SAMHD1: variants seen among roughly 807,000 people sequenced by gnomAD.
The protein encoded by SAMHD1 is SAM and HD domain containing deoxynucleoside triphosphate triphosphohydrolase 1, also known as deoxynucleoside triphosphate triphosphohydrolase SAMHD1.
SAMHD1 carries 54 observed loss-of-function variants against 79.6 expected under a neutral mutation model. That is an observed-to-expected ratio of 0.68 (90% confidence interval 0.55 to 0.85). The LOEUF is 0.85. SAMHD1 is among the 40% of genes least tolerant of loss of function. The pLI is 0.00. For missense variants in SAMHD1, 663 were observed against 782.7 expected, an observed-to-expected ratio of 0.85 and a Z score of 1.82; for synonymous variants, 260 against 264.1, an observed-to-expected ratio of 0.98 and a Z score of 0.15.
At chr20:36,947,551 GGTGTGT>G (rs71186095) in intron 1 of SAMHD1, among the ~76,000 whole-genome samples, 1,407 of 75,736 alleles carry the variant, frequency 0.019, 111 homozygotes, top group African/African-American at 0.09. Flanking sequence ...TTGGAAGAGG[GGTGTGT>G]GTGTGTGTGT....
intron 4 of SAMHD1, among the ~76,000 whole-genome samples, chr20:36,932,729 TA>T (rs2063576210): frequency 6.6e-6 from 1 of 151,860 alleles, no homozygotes; most frequent in Non-Finnish European, 1.5e-5. Flanking sequence ...TTTGGTTTTG[TA>T]AGATGATAAG....
chr20:36,901,275 C>A (rs1408049862), intron 13 of SAMHD1, among the ~76,000 whole-genome samples: 1 of 152,088 alleles, frequency 6.6e-6, no homozygotes, highest in East Asian at 1.9e-4. Flanking sequence ...AGCGATCTTC[C>A]CACCTCAGCC....
Position 36,905,351 on chromosome 20 carries a change from C to A in SAMHD1, c.1410+13G>T. The A allele has an allele frequency of 6.2e-7, 1 of 1,613,854 alleles. No individual in the cohort carries two copies. Among genetic ancestry groups the A allele is most frequent in the Non-Finnish European group, 8.5e-7 (1 of 1,179,842 alleles). ...ATAACCTTTCACTAATGGAAAGATG[C>A]CTGATAACTCACCCTTTTAATCTTT... is the stretch of plus-strand genomic sequence containing the variant. On this transcript the variant is annotated intron_variant, in intron 12 of 15. Transcript: ENST00000646673.
chr20:36,948,675 T>C (rs965240226), intron 1 of SAMHD1, among the ~76,000 whole-genome samples: 10 of 149,284 alleles, frequency 6.7e-5, no homozygotes, highest in Admixed American at 2.0e-4. Flanking sequence ...AAGACCATCC[T>C]GGCCAACATG....
chr20:36,946,500 T>C, intron 2 of SAMHD1: 1 of 440,396 alleles, frequency 2.3e-6, no homozygotes, highest in South Asian at 2.3e-5. Context: ...GGCAGGAGAA[T>C]AACTTGAAGC....
intron 12 of SAMHD1, chr20:36,904,451 G>C: frequency 1.9e-6 from 1 of 537,602 alleles, no homozygotes. Context: ...AGGCGCAGTG[G>C]CTCACGTCTA....
intron 4 of SAMHD1, 30 bp from the exon 5 acceptor site, chr20:36,930,905 T>C (rs1316983220): frequency 1.3e-6 from 2 of 1,484,828 alleles, no homozygotes; most frequent in Middle Eastern, 3.4e-4. Context: ...AAAGTCACTT[T>C]TCTGTTTGCA....
chr20:36,929,661 A>G (rs2063556404), intron 5 of SAMHD1, among the ~76,000 whole-genome samples: 1 of 152,086 alleles, frequency 6.6e-6, no homozygotes, highest in Non-Finnish European at 1.5e-5. Flanking sequence ...GCAGTGAGCC[A>G]AGATAGTGCC....
At chr20:36,920,582 C>G (rs573973219) in intron 6 of SAMHD1, among the ~76,000 whole-genome samples, 1 of 151,876 alleles carries the variant, frequency 6.6e-6, no homozygotes, top group South Asian at 2.1e-4. Flanking sequence ...GCCAACATGG[C>G]AAAACCTCCT....
At chr20:36,947,645 C>T (rs1568786372) in intron 1 of SAMHD1, among the ~76,000 whole-genome samples, 1 of 151,402 alleles carries the variant, frequency 6.6e-6, no homozygotes, top group African/African-American at 2.4e-5. Flanking sequence ...CTTTCCTGAC[C>T]TCAAATTCCA....
rs1601132420 is a variant in SAMHD1 at position 36,919,460 on chromosome 20, A to G, written c.756T>C (p.Pro252=). The change falls in exon 7 of 16, where the codon CCT becomes CCC. Residue 252 remains proline, a synonymous_variant. Transcript: ENST00000646673. ...GGATGAGACCATATTGTTCCATGAC[A>G]GGCTTAATTCCATTAGAATTAATAA... ...EHLINSNGIK[P]VMEQYGLIPE... is the part of the protein sequence containing the mutation. 2 of 1,613,146 alleles carry G rather than the reference A, an allele frequency of 1.2e-6. No individual in the cohort carries two copies. The highest frequency in any genetic ancestry group is 1.1e-5 in the South Asian group (1 of 91,044).
At chr20:36,947,332 T>C (rs1386796605) in intron 1 of SAMHD1, among the ~76,000 whole-genome samples, 1 of 145,858 alleles carries the variant, frequency 6.9e-6, no homozygotes, top group African/African-American at 2.6e-5. Flanking sequence ...TGTGTGTGTG[T>C]GTGTGTGTGT....
chr20:36,950,326 G>GGAA (rs1235798437), intron 1 of SAMHD1, among the ~76,000 whole-genome samples: 22 of 151,172 alleles, frequency 1.5e-4, no homozygotes, highest in Middle Eastern at 6.8e-3. Context: ...GGCAAAAGGG[G>GGAA]GAAGAAAAAA....
Position 36,906,493 on chromosome 20 carries a change from C to A in SAMHD1, c.1271-990G>T, listed in dbSNP as rs76961916. Among the ~76,000 whole-genome samples, 74 of 152,196 alleles carry A rather than the reference C, an allele frequency of 4.9e-4. No homozygotes were observed. The East Asian group carries it at 5.6e-3, about 12-fold the overall frequency. Reference sequence around the variant, plus strand: ...GAAGTATTTACAAGCAAAATTATGTCTAGGATCTGCTTCTAAATTGTCCAG... The same window carrying A: ...GAAGTATTTACAAGCAAAATTATGTATAGGATCTGCTTCTAAATTGTCCAG... On this transcript the variant is annotated intron_variant, in intron 11 of 15. Transcript: ENST00000646673.
In SAMHD1 at chr20:36,941,035, T is replaced by G. The variant is rs2146144512; in HGVS notation, c.348+4A>C. On this transcript the variant is annotated splice_donor_region_variant and intron_variant, in intron 3 of 15. Transcript: ENST00000646673. ...AAAAACATAACAAACTCAGATCCTC[T>G]TACCTTCATTGTATCAACGTGGATT... The G allele has an allele frequency of 1.2e-6, 2 of 1,608,198 alleles. No individual in the cohort carries two copies. The highest frequency in any genetic ancestry group is 2.2e-5 in the South Asian group (2 of 90,972).
At chr20:36,910,971 T>C (rs535315184) in intron 11 of SAMHD1, among the ~76,000 whole-genome samples, 3 of 152,220 alleles carry the variant, frequency 2.0e-5, no homozygotes, top group African/African-American at 7.2e-5. Context: ...AATCGTTCCA[T>C]CGGCTGTGTA....
chr20:36,925,228 G>T (rs2063529870), intron 6 of SAMHD1, among the ~76,000 whole-genome samples: 1 of 151,998 alleles, frequency 6.6e-6, no homozygotes. Context: ...ACGAGCTAAG[G>T]ATTTAAATGT....
chr20:36,935,107 A>G lies in SAMHD1; in HGVS notation c.431T>C (p.Leu144Pro). The change falls in exon 4 of 16, where the codon CTT becomes CCT. Residue 144 changes from leucine (L) to proline (P), a missense_variant. Coordinates refer to ENST00000646673, the MANE Select transcript of SAMHD1 (RefSeq NM_015474.4). Reference protein sequence around the residue: ...RIIDTPQFQRLRYIKQLGGGY... With the variant: ...RIIDTPQFQRPRYIKQLGGGY... Reference sequence around the variant, plus strand: ...ACCTCCCAGCTGTTTGATGTATCGAAGACGTTGAAATTGAGGTGTATCAAT... The same window carrying G: ...ACCTCCCAGCTGTTTGATGTATCGAGGACGTTGAAATTGAGGTGTATCAAT... The G allele has an allele frequency of 6.2e-7, 1 of 1,614,094 alleles. No individual in the cohort carries two copies. Among genetic ancestry groups the G allele is most frequent in the Non-Finnish European group, 8.5e-7 (1 of 1,179,944 alleles).
intron 9 of SAMHD1, among the ~76,000 whole-genome samples, chr20:36,912,880 TCATTC>T (rs1568767413): frequency 4.5e-5 from 6 of 132,258 alleles, no homozygotes; most frequent in African/African-American, 5.6e-5. Context: ...CAGCTAACTT[TCATTC>T]TTTGTTTTTT....
Sources: allele counts gnomAD v4.1 joint callset (sites outside exome capture counted in the v4.1 genomes callset), GRCh38; gene constraint gnomAD v4.1.1; transcripts MANE v1.5; gene names NCBI Gene and HGNC (gene_info 2026-07-23, HGNC 2026-07-21).